MTFR1: variants seen among roughly 807,000 people sequenced by gnomAD.
MTFR1 encodes chondrocyte protein with a poly-proline region.
Under a neutral mutation model 38.8 loss-of-function variants are expected in MTFR1, and 28 were observed. That is an observed-to-expected ratio of 0.72 (90% CI 0.53 to 0.99). The LOEUF (loss-of-function observed/expected upper bound fraction) is 0.99, where lower values mean the gene tolerates loss of function less well. Among genes scored for constraint, MTFR1 ranks in the 50% least tolerant of loss-of-function variants. The pLI is 0.00. For synonymous variants in MTFR1, 145 were observed against 137.0 expected (o/e 1.06, Z -0.41); for missense variants, 358 against 395.5 (o/e 0.91, Z 0.81).
intron 3 of MTFR1, among the ~76,000 whole-genome samples, chr8:65,746,242 G>A (rs1807671429): frequency 6.6e-6 from 1 of 151,858 alleles, no homozygotes; most frequent in Non-Finnish European, 1.5e-5. Context: ...CCCAGGCATT[G>A]TTTTCAATTC....
intron 3 of MTFR1, among the ~76,000 whole-genome samples, chr8:65,754,165 G>A (rs1482876244): frequency 6.6e-6 from 1 of 152,076 alleles, no homozygotes; most frequent in Admixed American, 6.5e-5. Flanking sequence ...TGTGGGCTAG[G>A]AAGCTAGGCC....
the MTFR1 span, among the ~76,000 whole-genome samples, chr8:65,776,452 C>T: frequency 6.6e-6 from 1 of 152,104 alleles, no homozygotes; most frequent in Non-Finnish European, 1.5e-5. Flanking sequence ...GATTTTTTCA[C>T]TGTGATTTCA....
At chr8:65,764,502 T>C (rs1302450822) in intron 3 of MTFR1, among the ~76,000 whole-genome samples, 1 of 152,166 alleles carries the variant, frequency 6.6e-6, no homozygotes, top group Non-Finnish European at 1.5e-5. Flanking sequence ...GTATGAAAGT[T>C]AGATAAGAGA....
chr8:65,758,338 A>T (rs1477922663), intron 3 of MTFR1, among the ~76,000 whole-genome samples: 1 of 152,260 alleles, frequency 6.6e-6, no homozygotes, highest in Admixed American at 6.5e-5. Flanking sequence ...CCTTGTTTCC[A>T]GCACTTGTAG....
At chr8:65,656,500 ATTTT>A (rs1232069011) in intron 1 of MTFR1, among the ~76,000 whole-genome samples, 2 of 129,768 alleles carry the variant, frequency 1.5e-5, no homozygotes, top group Non-Finnish European at 3.3e-5. Flanking sequence ...TGCCTGGCTA[ATTTT>A]TTTTTTTTTT....
At position 65,746,106 on chromosome 8, in the gene MTFR1, T is replaced by TC. The variant is rs1255894417; in HGVS notation, c.*49-24841_*49-24840insC. ...TTACCATACCTGGCTAATTTTTTTTTTTTTTTTGTAGAGACAAGGTCTCAC... is the reference window on the plus strand; with the variant it reads ...TTACCATACCTGGCTAATTTTTTTTTCTTTTTTTGTAGAGACAAGGTCTCAC... On this transcript the variant is annotated intron_variant, in intron 3 of 3. Coordinates refer to the MTFR1 transcript ENST00000521247. Among the ~76,000 whole-genome samples the TC allele has an allele frequency of 2.0e-5, 3 of 151,706 alleles. No homozygotes were observed. The East Asian group carries it at 5.8e-4, about 29-fold the overall frequency.
downstream of MTFR1, among the ~76,000 whole-genome samples, chr8:65,773,317 A>G (rs1302920021): frequency 6.6e-6 from 1 of 152,250 alleles, no homozygotes; most frequent in East Asian, 1.9e-4. Flanking sequence ...GGTGGCTTAA[A>G]GAGACATATT....
chr8:65,682,830 GCTTTAT>G (rs2129053651), intron 3 of MTFR1: 2 of 984,938 alleles, frequency 2.0e-6, no homozygotes, highest in Non-Finnish European at 2.4e-6. Context: ...CTGTTCCCCT[GCTTTAT>G]TTTTAGATCT....
At chr8:65,674,585 G>A (rs766449706) in intron 2 of MTFR1, among the ~76,000 whole-genome samples, 2 of 151,886 alleles carry the variant, frequency 1.3e-5, no homozygotes, top group African/African-American at 2.4e-5. Context: ...GCACTCCAGC[G>A]TAGACTATAA....
intron 3 of MTFR1, among the ~76,000 whole-genome samples, chr8:65,736,033 CTATTTA>C (rs1301359110): frequency 1.3e-5 from 2 of 152,250 alleles, no homozygotes; most frequent in Non-Finnish European, 2.9e-5. Flanking sequence ...GTACCAAACC[CTATTTA>C]TACTATGTTT....
chr8:65,702,019 T>A (rs1805622524), intron 4 of MTFR1, among the ~76,000 whole-genome samples: 2 of 152,226 alleles, frequency 1.3e-5, no homozygotes, highest in African/African-American at 4.8e-5. Flanking sequence ...GGAGAAAGAT[T>A]ATTTTTGTTA....
At chr8:65,708,088 A>T (rs1242030646) in intron 7 of MTFR1, 77 bp downstream of exon 7, 1 of 1,604,252 alleles carries the variant, frequency 6.2e-7, no homozygotes, top group South Asian at 1.1e-5. Context: ...TTTGCAAGTG[A>T]TTCACCTGTG....
intron 1 of MTFR1, among the ~76,000 whole-genome samples, chr8:65,650,258 C>T (rs111804321): frequency 0.15 from 21,333 of 143,680 alleles, 1,674 homozygotes; most frequent in Middle Eastern, 0.19. Flanking sequence ...CTGCAACCTC[C>T]GCCTCCCAGG....
intron 3 of MTFR1, among the ~76,000 whole-genome samples, chr8:65,746,019 C>T (rs1356398298): frequency 2.6e-5 from 4 of 151,898 alleles, no homozygotes; most frequent in Admixed American, 2.6e-4. Flanking sequence ...CAGCCATGAC[C>T]TCCTGGGCTC....
intron 2 of MTFR1, among the ~76,000 whole-genome samples, chr8:65,673,353 C>T (rs745421996): frequency 1.3e-5 from 2 of 149,938 alleles, no homozygotes; most frequent in African/African-American, 4.9e-5. Context: ...TAACAAATAA[C>T]GTCAAAGATC....
At chr8:65,662,909 G>A (rs1809484479) in intron 1 of MTFR1, among the ~76,000 whole-genome samples, 1 of 150,336 alleles carries the variant, frequency 6.7e-6, no homozygotes, top group Admixed American at 6.6e-5. Flanking sequence ...AGGGAGGTGG[G>A]GGGGTCAGCC....
At chr8:65,734,869 A>G (rs1190410418) in intron 3 of MTFR1, 2 of 1,610,926 alleles carry the variant, frequency 1.2e-6, no homozygotes, top group Admixed American at 1.7e-5. Context: ...AAGGATTTTG[A>G]CTGTGGTAAT....
Position 65,693,653 on chromosome 8 carries a change from C to T in MTFR1, c.175C>T (p.His59Tyr), listed in dbSNP as rs1454668306. ...CPRVQFQINS[H>Y]ATEWSPSHPG... ...TATTTATAACTTACAGATTAACAGC[C>T]ATGCAACAGAATGGAGTCCCAGCCA... Residue 59 changes from histidine to tyrosine, a missense_variant, in exon 4 of 8, where the codon CAT (histidine) becomes TAT (tyrosine). Physicochemically the swap from His to Tyr is moderately conservative, Grantham distance 83. Transcript: ENST00000262146. The T allele has an allele frequency of 6.2e-7, 1 of 1,613,726 alleles. No homozygotes were observed.
chr8:65,649,059 A>G (rs1197789793), intron 1 of MTFR1, among the ~76,000 whole-genome samples: 1 of 145,478 alleles, frequency 6.9e-6, no homozygotes, highest in Non-Finnish European at 1.6e-5. Context: ...AAGAAACAAT[A>G]CAAATAAAAC....
Sources: gnomAD v4.1 joint callset for allele counts (sites outside exome capture counted in the v4.1 genomes callset) on GRCh38, gnomAD v4.1.1 for gene constraint, MANE v1.5 for transcripts, NCBI Gene and HGNC (gene_info 2026-07-23, HGNC 2026-07-21) for gene names.